FRK: variants seen among roughly 807,000 people sequenced by gnomAD.
FRK encodes tyrosine-protein kinase FRK.
A neutral mutation model predicts 56.4 loss-of-function variants in FRK; 51 were observed. The ratio of observed to expected loss-of-function variants is 0.90; its 90% confidence interval spans 0.72 to 1.14. FRK has a LOEUF of 1.14. FRK is among the 50% of genes most tolerant of loss of function. The pLI, the probability that FRK is intolerant of heterozygous loss-of-function variation, is 0.00. For missense variants in FRK, 570 were observed against 601.4 expected, an observed-to-expected ratio of 0.95 and a Z score of 0.55; for synonymous variants, 245 against 217.9, an observed-to-expected ratio of 1.12 and a Z score of -1.10.
chr6:115,979,901 T>C lies in FRK; in HGVS notation c.467-11162A>G, dbSNP rs963024634. On this transcript the variant is annotated intron_variant, in intron 2 of 7. Coordinates refer to ENST00000606080, the MANE Select transcript of FRK (RefSeq NM_002031.3). ...AGCACCTAGGTTTGTGTGAGTACAC[T>C]TGGTAATGTCCACACAATGGACTCA... Among the ~76,000 whole-genome samples the C allele has an allele frequency of 8.5e-5, 13 of 152,162 alleles. No homozygotes were observed. The South Asian group carries it at 1.2e-3, about 15-fold the overall frequency.
chr6:115,968,636 C>T lies in FRK; in HGVS notation c.570G>A (p.Val190=), dbSNP rs756567560. 1.9e-6 allele frequency: 3 copies of T among 1,613,844 alleles called. No homozygotes were observed. In the South Asian group the frequency reaches 3.3e-5, roughly 18 times the overall value. The change falls in exon 3 of 8, where the codon GTG becomes GTA. Residue 190 remains valine, a synonymous_variant. Coordinates refer to ENST00000606080, the MANE Select transcript of FRK (RefSeq NM_002031.3). ...CGTCACTTGTCTTGGTGTAGTGGCT[C>T]ACAAATTCGTTCAGTGTTGAAAAGA... ...RRIFSTLNEF[V]SHYTKTSDGL...
chr6:116,022,291 GA>G (rs2114738039), intron 1 of FRK, among the ~76,000 whole-genome samples: 1 of 152,048 alleles, frequency 6.6e-6, no homozygotes, highest in East Asian at 1.9e-4. Context: ...AGAAAATACA[GA>G]AATAAAAAAT....
intron 3 of FRK, among the ~76,000 whole-genome samples, chr6:115,968,367 A>G (rs551623): frequency 0.73 from 110,647 of 151,992 alleles, 40,604 homozygotes; most frequent in South Asian, 0.89. Context: ...AAGAAAACTC[A>G]TATATGAATG....
intron 1 of FRK, among the ~76,000 whole-genome samples, chr6:116,048,894 G>T (rs1455389802): frequency 6.6e-6 from 1 of 152,074 alleles, no homozygotes; most frequent in Non-Finnish European, 1.5e-5. Flanking sequence ...TTAGCGCATT[G>T]AATGTATTCA....
At chr6:116,088,303 T>C in the FRK span, among the ~76,000 whole-genome samples, 1 of 152,086 alleles carries the variant, frequency 6.6e-6, no homozygotes, top group Non-Finnish European at 1.5e-5. Context: ...TTTGAGAAAT[T>C]ATAAATTTTC....
chr6:116,002,710 T>G (rs1379290632), intron 2 of FRK: 1 of 455,646 alleles, frequency 2.2e-6, no homozygotes, highest in Non-Finnish European at 4.4e-6. Flanking sequence ...TAGGTAGTAG[T>G]GAAGTTGAAT....
At chr6:115,991,099 C>T (rs568300174) in intron 2 of FRK, among the ~76,000 whole-genome samples, 6 of 151,694 alleles carry the variant, frequency 4.0e-5, no homozygotes, top group Admixed American at 3.9e-4. Context: ...AAAGATGCAA[C>T]TAATTTTTAT....
the FRK span, among the ~76,000 whole-genome samples, chr6:116,099,805 G>A: frequency 3.9e-5 from 6 of 152,268 alleles, no homozygotes; most frequent in African/African-American, 7.2e-5. Flanking sequence ...ATTATGTCAC[G>A]ACTATTGATT....
chr6:116,044,061 A>T (rs1776840346), intron 1 of FRK, among the ~76,000 whole-genome samples: 1 of 152,242 alleles, frequency 6.6e-6, no homozygotes, highest in Non-Finnish European at 1.5e-5. Context: ...TGAATAGACC[A>T]ATAACAAGTT....
At chr6:116,077,113 G>T in the FRK span, among the ~76,000 whole-genome samples, 1 of 152,152 alleles carries the variant, frequency 6.6e-6, no homozygotes, top group South Asian at 2.1e-4. Context: ...AATTCATATA[G>T]AAATAGAGGT....
intron 1 of FRK, among the ~76,000 whole-genome samples, chr6:116,005,830 G>A (rs1775227997): frequency 6.6e-6 from 1 of 152,050 alleles, no homozygotes; most frequent in African/African-American, 2.4e-5. Flanking sequence ...AAATAACACT[G>A]TTATCATTAA....
Position 115,935,735 on chromosome 6 carries a change from G to A in FRK, c.*6679C>T, listed in dbSNP as rs998538994. Reference sequence around the variant, plus strand: ...ACAGTCTAAACAAAGCTGCCTGGGAGTTCGAATTGGGTAGAGCCCACCACC... The same window carrying A: ...ACAGTCTAAACAAAGCTGCCTGGGAATTCGAATTGGGTAGAGCCCACCACC... On this transcript the variant is annotated 3_prime_UTR_variant, in exon 8 of 8. Transcript: ENST00000606080. The A allele has an allele frequency of 6.6e-6, 1 of 152,284 alleles. No homozygotes were observed. Among genetic ancestry groups the A allele is most frequent in the South Asian group, 2.1e-4 (1 of 4,830 alleles). The allele number at this position is 152,284 out of a possible 1,614,324, so 9.4% of individuals were successfully genotyped here. A position where few individuals can be genotyped will look rare whatever the true frequency, so the allele number is the denominator to read the frequency against.
Position 115,941,597 on chromosome 6 carries a change from G to A in FRK, c.*817C>T, listed in dbSNP as rs763014645. The A allele has an allele frequency of 6.6e-6, 1 of 152,052 alleles. No homozygotes were observed. The highest frequency in any genetic ancestry group is 2.4e-5 in the African/African-American group (1 of 41,396). 9.4% of individuals were successfully genotyped at this position (152,052 alleles called of 1,614,324 possible). On this transcript the variant is annotated 3_prime_UTR_variant, in exon 8 of 8. Coordinates refer to ENST00000606080, the MANE Select transcript of FRK (RefSeq NM_002031.3). Reference sequence around the variant, plus strand: ...AAGTCTAGGCCACAGCAATCCTACTGTTCTCCTCTCATTTTCCTAAACTAT... The same window carrying A: ...AAGTCTAGGCCACAGCAATCCTACTATTCTCCTCTCATTTTCCTAAACTAT...
At chr6:116,096,652 C>T in the FRK span, among the ~76,000 whole-genome samples, 1 of 151,848 alleles carries the variant, frequency 6.6e-6, no homozygotes, top group African/African-American at 2.4e-5. Flanking sequence ...TAAAATGGAC[C>T]AATCAGCACT....
intron 2 of FRK, among the ~76,000 whole-genome samples, chr6:115,991,495 T>C (rs1449234332): frequency 1.3e-5 from 2 of 151,896 alleles, no homozygotes; most frequent in Non-Finnish European, 2.9e-5. Context: ...TTGGATTTTA[T>C]TGAATGTTTT....
chr6:116,026,049 T>A (rs1464438452), intron 1 of FRK, among the ~76,000 whole-genome samples: 1 of 152,138 alleles, frequency 6.6e-6, no homozygotes, highest in Non-Finnish European at 1.5e-5. Context: ...AATATCTCCT[T>A]GACATTTCAA....
At chr6:115,945,182 ATG>A (rs1450314667) in intron 5 of FRK, among the ~76,000 whole-genome samples, 1 of 152,134 alleles carries the variant, frequency 6.6e-6, no homozygotes, top group African/African-American at 2.4e-5. Context: ...ATACATGTGC[ATG>A]TGTCTTTATA....
chr6:116,055,015 C>A (rs2114825660), intron 1 of FRK, among the ~76,000 whole-genome samples: 1 of 152,224 alleles, frequency 6.6e-6, no homozygotes, highest in African/African-American at 2.4e-5. Flanking sequence ...ATTAGGCACA[C>A]TATGTACAAT....
At chr6:116,050,960 C>T (rs1304624289) in intron 1 of FRK, among the ~76,000 whole-genome samples, 2 of 151,968 alleles carry the variant, frequency 1.3e-5, no homozygotes, top group African/African-American at 2.4e-5. Flanking sequence ...GTGGTGTCTT[C>T]GTATGTCAGA....
Sources: gnomAD v4.1 joint callset for allele counts (sites outside exome capture counted in the v4.1 genomes callset) on GRCh38, gnomAD v4.1.1 for gene constraint, MANE v1.5 for transcripts, NCBI Gene and HGNC (gene_info 2026-07-23, HGNC 2026-07-21) for gene names.